The following MEIS2 variants were observed in gnomAD, a reference collection of about 807,000 sequenced individuals.
MEIS2 encodes the protein homeobox protein Meis2.
In MEIS2, 9 loss-of-function variants were observed where a neutral mutation model predicts 58.6. The ratio of observed to expected loss-of-function variants is 0.15; its 90% CI spans 0.09 to 0.27. The LOEUF (loss-of-function observed/expected upper bound fraction) is 0.27, where lower values mean the gene tolerates loss of function less well. Ranked by LOEUF, MEIS2 falls within the 10% of genes least tolerant of loss-of-function variation. MEIS2 has a pLI of 1.00. For missense variants in MEIS2, 427 were observed against 635.0 expected, an observed-to-expected ratio of 0.67 and a Z score of 3.52; for synonymous variants, 221 against 228.4, an observed-to-expected ratio of 0.97 and a Z score of 0.29.
At chr15:37,039,022 T>C (rs1003192943) in intron 7 of MEIS2, among the ~76,000 whole-genome samples, 3 of 152,166 alleles carry the variant, frequency 2.0e-5, no homozygotes, top group Admixed American at 2.0e-4. Flanking sequence ...CAGCTGTTCA[T>C]GTGACACAGA....
At chr15:36,960,692 G>A (rs1280577984) in intron 8 of MEIS2, among the ~76,000 whole-genome samples, 2 of 151,988 alleles carry the variant, frequency 1.3e-5, no homozygotes, top group African/African-American at 2.4e-5. Flanking sequence ...ACACTTAGAC[G>A]AACACCCTAA....
chr15:36,928,086 C>T (rs1173859289), intron 9 of MEIS2, among the ~76,000 whole-genome samples: 1 of 151,948 alleles, frequency 6.6e-6, no homozygotes, highest in Admixed American at 6.6e-5. Context: ...TTTCAGAATG[C>T]CTCTGTGAAA....
intron 8 of MEIS2, among the ~76,000 whole-genome samples, chr15:36,956,302 A>G (rs1372031715): frequency 1.3e-5 from 2 of 152,008 alleles, no homozygotes; most frequent in Non-Finnish European, 2.9e-5. Context: ...AATCTACATC[A>G]GGTCATATAA....
intron 7 of MEIS2, among the ~76,000 whole-genome samples, chr15:37,061,989 G>A (rs2141843315): frequency 6.6e-6 from 1 of 152,204 alleles, no homozygotes; most frequent in Non-Finnish European, 1.5e-5. Flanking sequence ...ATGTCTTAGG[G>A]GAAATTATAG....
chr15:36,941,376 A>C (rs1017589004), intron 9 of MEIS2, among the ~76,000 whole-genome samples: 6 of 152,098 alleles, frequency 3.9e-5, no homozygotes, highest in Non-Finnish European at 7.4e-5. Flanking sequence ...AAACTATGAG[A>C]ATCAGATCAA....
chr15:36,942,821 C>T (rs1395841501), intron 9 of MEIS2, among the ~76,000 whole-genome samples: 1 of 151,952 alleles, frequency 6.6e-6, no homozygotes, highest in East Asian at 1.9e-4. Flanking sequence ...GATTCAGAAC[C>T]AGGCTATGGC....
At chr15:36,918,830 T>G (rs1444440274) in intron 9 of MEIS2, among the ~76,000 whole-genome samples, 3 of 152,186 alleles carry the variant, frequency 2.0e-5, no homozygotes, top group Non-Finnish European at 4.4e-5. Flanking sequence ...ATAAGCTTAG[T>G]AGAAAAGGTA....
At chr15:37,091,819 T>A (rs1050431220) in intron 6 of MEIS2, among the ~76,000 whole-genome samples, 1 of 152,108 alleles carries the variant, frequency 6.6e-6, no homozygotes, top group African/African-American at 2.4e-5. Flanking sequence ...CCTAGAAATA[T>A]CATGAGAAAA....
At chr15:36,948,677 A>G (rs971349148) in intron 9 of MEIS2, among the ~76,000 whole-genome samples, 5 of 152,026 alleles carry the variant, frequency 3.3e-5, no homozygotes, top group South Asian at 4.1e-4. Flanking sequence ...GAATGTGCAG[A>G]GCAAACAAGT....
rs1208122134 is a variant in MEIS2, at chr15:36,911,000, G to A, written c.978-14314C>T. ...GCGGAGGTTGCAGTGAGCTGAGATC[G>A]CGCCACTGCACTCCAGCCTGGGTGA... On this transcript the variant is annotated intron_variant, in intron 9 of 11. Transcript: ENST00000561208. Among the ~76,000 whole-genome samples, 8 of 146,200 alleles carry A rather than the reference G, an allele frequency of 5.5e-5. No individual in the cohort carries two copies. In the East Asian group the frequency reaches 6.1e-4, roughly 11 times the overall value.
At position 37,096,476 on chromosome 15, in the gene MEIS2, C is replaced by T. The variant is rs1188291391; in HGVS notation, c.246-46G>A. The T allele has an allele frequency of 3.1e-6, 5 of 1,593,236 alleles. No individual in the cohort carries two copies. The African/African-American group carries it at 6.7e-5, about 21-fold the overall frequency. On this transcript the variant is annotated intron_variant, in intron 2 of 11. Transcript: ENST00000561208. Reference sequence around the variant, plus strand: ...GAGACACACACACAGAGACGGGGTGCAGAGGGGAAGGAGCAAGAACTGTAA... The same window carrying T: ...GAGACACACACACAGAGACGGGGTGTAGAGGGGAAGGAGCAAGAACTGTAA...
chr15:37,025,418 G>A (rs1255343047), intron 8 of MEIS2, among the ~76,000 whole-genome samples: 1 of 152,030 alleles, frequency 6.6e-6, no homozygotes, highest in Non-Finnish European at 1.5e-5. Flanking sequence ...ACTGCTTCTG[G>A]TATATATATA....
intron 9 of MEIS2, among the ~76,000 whole-genome samples, chr15:36,919,577 CA>C (rs59119561): frequency 0.78 from 104,814 of 133,960 alleles, 40,202 homozygotes; most frequent in Admixed American, 0.82. Flanking sequence ...AACTCCGTCT[CA>C]AAAAAAAAAA....
intron 7 of MEIS2, among the ~76,000 whole-genome samples, chr15:37,052,756 C>T (rs1267541203): frequency 6.6e-6 from 1 of 152,182 alleles, no homozygotes; most frequent in Non-Finnish European, 1.5e-5. Context: ...AAAATAGAGT[C>T]ACCGCTGGTT....
chr15:37,042,045 G>A (rs749851084), intron 7 of MEIS2, among the ~76,000 whole-genome samples: 3 of 151,928 alleles, frequency 2.0e-5, no homozygotes, highest in South Asian at 2.1e-4. Flanking sequence ...GGTGAGCACC[G>A]CAGATTGAGG....
At chr15:36,943,364 C>T (rs958686269) in intron 9 of MEIS2, among the ~76,000 whole-genome samples, 2 of 152,078 alleles carry the variant, frequency 1.3e-5, no homozygotes, top group Non-Finnish European at 2.9e-5. Flanking sequence ...AGGCTTGTGC[C>T]TAACACAGGA....
At chr15:36,957,480 C>T (rs935538000) in intron 8 of MEIS2, among the ~76,000 whole-genome samples, 3 of 152,178 alleles carry the variant, frequency 2.0e-5, no homozygotes, top group South Asian at 2.1e-4. Context: ...TCCATTTCCA[C>T]GATTCTGGCA....
intron 8 of MEIS2, among the ~76,000 whole-genome samples, chr15:36,991,789 T>TC (rs1345010456): frequency 4.1e-4 from 49 of 119,176 alleles, no homozygotes; most frequent in Middle Eastern, 4.3e-3. Context: ...TTTTCTTTTT[T>TC]TTTTTTTTTT....
chr15:37,059,344 T>C (rs1888874024), intron 7 of MEIS2, among the ~76,000 whole-genome samples: 1 of 152,212 alleles, frequency 6.6e-6, no homozygotes, highest in Admixed American at 6.5e-5. Flanking sequence ...ACATTGCTTC[T>C]ATTTATAAAT....
Sources: allele counts gnomAD v4.1 joint callset (sites outside exome capture counted in the v4.1 genomes callset), GRCh38; gene constraint gnomAD v4.1.1; transcripts MANE v1.5; gene names NCBI Gene and HGNC (gene_info 2026-07-23, HGNC 2026-07-21).